The following GPRASP3 variants were observed in gnomAD, a reference collection of about 807,000 sequenced individuals.
GPRASP3 encodes the protein G protein-coupled receptor associated sorting protein 3.
chrX:102,736,297 A>C, the GPRASP3 span, among the ~76,000 whole-genome samples: 3 of 112,612 alleles, frequency 2.7e-5, no homozygotes, highest in East Asian at 8.3e-4. Context: ...TTACAGTTTA[A>C]ATTTTCTGAC....
At chrX:102,734,574 G>T in the GPRASP3 span, among the ~76,000 whole-genome samples, 1 of 111,407 alleles carries the variant, frequency 9.0e-6, no homozygotes, top group East Asian at 2.8e-4. Flanking sequence ...CCGAGATTGG[G>T]CTACTGCACT....
chrX:102,746,055 G>A, the GPRASP3 span: 7 of 112,165 alleles, frequency 6.2e-5, no homozygotes, highest in Admixed American at 5.6e-4. Context: ...CGTGGGGGGC[G>A]GGACGCGTCT....
the GPRASP3 span, among the ~76,000 whole-genome samples, chrX:102,741,632 C>A: frequency 8.9e-6 from 1 of 112,164 alleles, no homozygotes; most frequent in Non-Finnish European, 1.9e-5. Flanking sequence ...ATTGCTAAAT[C>A]ATCTTCTGAC....
At chrX:102,745,615 G>A in the GPRASP3 span, among the ~76,000 whole-genome samples, 2 of 111,145 alleles carry the variant, frequency 1.8e-5, no homozygotes, top group African/African-American at 3.3e-5. Context: ...CTGGGGAGAG[G>A]GAAGGGGCAG....
At chrX:102,726,982 A>T in the GPRASP3 span, among the ~76,000 whole-genome samples, 1 of 112,568 alleles carries the variant, frequency 8.9e-6, no homozygotes, top group Admixed American at 9.4e-5. Flanking sequence ...TTCCTGGGAA[A>T]CATGAGTTCT....
At chrX:102,730,629 C>T in the GPRASP3 span, among the ~76,000 whole-genome samples, 1 of 111,575 alleles carries the variant, frequency 9.0e-6, no homozygotes, top group Non-Finnish European at 1.9e-5. Context: ...TAAATGGAAA[C>T]AGCAGGCTAG....
chrX:102,722,393 G>A, the GPRASP3 span, among the ~76,000 whole-genome samples: 3 of 112,427 alleles, frequency 2.7e-5, no homozygotes, highest in African/African-American at 9.7e-5. Flanking sequence ...ATGTGGATTT[G>A]GGGTACACCA....
At chrX:102,721,733 G>T in the GPRASP3 span, among the ~76,000 whole-genome samples, 1 of 111,261 alleles carries the variant, frequency 9.0e-6, no homozygotes, top group Non-Finnish European at 1.9e-5. Context: ...TCAGAGGAGG[G>T]TCTTTCTGGG....
chrX:102,748,044 A>C, the GPRASP3 span: 1 of 111,815 alleles, frequency 8.9e-6, no homozygotes, highest in Non-Finnish European at 1.9e-5. Flanking sequence ...ATTTGTGTAC[A>C]AGTGATGGGG....
At chrX:102,732,552 A>C in the GPRASP3 span, among the ~76,000 whole-genome samples, 1 of 112,304 alleles carries the variant, frequency 8.9e-6, no homozygotes, top group Non-Finnish European at 1.9e-5. Flanking sequence ...ATGCAGACAA[A>C]AACTTAAAAA....
At chrX:102,748,973 G>T in the GPRASP3 span, 6 of 1,187,103 alleles carry the variant, frequency 5.1e-6, no homozygotes, top group Admixed American at 1.4e-4. Context: ...GACTGGACAG[G>T]GCCATATAAC....
chrX:102,749,276 A>G, the GPRASP3 span: 2 of 1,209,885 alleles, frequency 1.7e-6, no homozygotes, highest in African/African-American at 1.7e-5. Flanking sequence ...AAGGCTGGGA[A>G]TGAGTCCACC....
the GPRASP3 span, among the ~76,000 whole-genome samples, chrX:102,735,041 C>T: frequency 7.1e-5 from 8 of 111,910 alleles, no homozygotes; most frequent in African/African-American, 2.6e-4. Flanking sequence ...AATAAAATCC[C>T]AGGTCACCAT....
At chrX:102,746,642 G>C in the GPRASP3 span, among the ~76,000 whole-genome samples, 2 of 112,518 alleles carry the variant, frequency 1.8e-5, no homozygotes, top group Admixed American at 9.3e-5. Flanking sequence ...AAAGGGGCCT[G>C]TGGGACCCCG....
At chrX:102,749,019 A>G in the GPRASP3 span, 1 of 1,209,463 alleles carries the variant, frequency 8.3e-7, no homozygotes, top group Admixed American at 2.2e-5. Context: ...AGAATAAGAC[A>G]AGAGCCCAGG....
the GPRASP3 span, chrX:102,747,646 CAGGCT>C: frequency 1.8e-5 from 2 of 112,076 alleles, no homozygotes; most frequent in Non-Finnish European, 3.8e-5. Flanking sequence ...GAGGTGTAAT[CAGGCT>C]GCAGGTCTTG....
the GPRASP3 span, among the ~76,000 whole-genome samples, chrX:102,727,997 C>A: frequency 2.7e-5 from 3 of 111,419 alleles, no homozygotes; most frequent in East Asian, 2.8e-4. Flanking sequence ...TCTGTACAAA[C>A]TCCCTTTAGA....
the GPRASP3 span, chrX:102,745,907 G>A: frequency 1.8e-5 from 2 of 111,405 alleles, no homozygotes; most frequent in African/African-American, 6.6e-5. Context: ...CCACCTCTGG[G>A]TCGGAACTAA....
chrX:102,729,184 A>T, the GPRASP3 span, among the ~76,000 whole-genome samples: 1 of 112,042 alleles, frequency 8.9e-6, no homozygotes, highest in Non-Finnish European at 1.9e-5. Context: ...TGGGAAGGGA[A>T]CTGTACTTTT....
Sources: allele counts gnomAD v4.1 joint callset (sites outside exome capture counted in the v4.1 genomes callset), GRCh38; gene constraint gnomAD v4.1.1; transcripts MANE v1.5; gene names NCBI Gene and HGNC (gene_info 2026-07-23, HGNC 2026-07-21).